Variants in CXADR observed in about 807,000 individuals in gnomAD.
CXADR encodes the protein coxsackievirus and adenovirus receptor.
A neutral mutation model predicts 40.3 loss-of-function variants in CXADR; 20 were observed. The ratio of observed to expected loss-of-function variants is 0.50; its 90% CI spans 0.35 to 0.72. CXADR has a LOEUF of 0.72. CXADR is among the 30% of genes least tolerant of loss of function. The pLI, the probability that CXADR is intolerant of heterozygous loss-of-function variation, is 0.01. For missense variants in CXADR, 332 were observed against 449.1 expected, an observed-to-expected ratio of 0.74 and a Z score of 2.36; for synonymous variants, 150 against 161.3, an observed-to-expected ratio of 0.93 and a Z score of 0.53.
the CXADR span, chr21:17,633,319 C>T: frequency 6.6e-6 from 1 of 152,338 alleles, no homozygotes; most frequent in Non-Finnish European, 1.5e-5. Flanking sequence ...AAGCTCAGCA[C>T]TTTGAGAGGC....
chr21:17,529,463 G>T (rs1041144634), intron 1 of CXADR, among the ~76,000 whole-genome samples: 3 of 152,100 alleles, frequency 2.0e-5, no homozygotes, highest in African/African-American at 7.2e-5. Context: ...TGGGATTACA[G>T]GCATGTGCCA....
At chr21:17,633,473 C>T in the CXADR span, among the ~76,000 whole-genome samples, 2 of 152,286 alleles carry the variant, frequency 1.3e-5, no homozygotes, top group South Asian at 2.1e-4. Flanking sequence ...ACAGGAGAGT[C>T]ACTTGAGCTG....
At chr21:17,582,179 T>C (rs983628265) in intron 7 of CXADR, among the ~76,000 whole-genome samples, 11 of 152,184 alleles carry the variant, frequency 7.2e-5, no homozygotes, top group Middle Eastern at 3.4e-3. Context: ...ACCCAGGTAA[T>C]TTTTGTATTT....
At chr21:17,614,258 A>C in the CXADR span, 2 of 152,184 alleles carry the variant, frequency 1.3e-5, no homozygotes, top group Non-Finnish European at 2.9e-5. Flanking sequence ...AAAGGCCTTT[A>C]ATTCTGCAGT....
downstream of CXADR, among the ~76,000 whole-genome samples, chr21:17,572,207 C>A (rs372182470): frequency 9.3e-4 from 131 of 141,186 alleles, no homozygotes; most frequent in Admixed American, 1.3e-3. Context: ...ACTAAAAATA[C>A]AAAAAAAAAA....
the CXADR span, among the ~76,000 whole-genome samples, chr21:17,603,523 C>T: frequency 6.6e-6 from 1 of 152,200 alleles, no homozygotes; most frequent in East Asian, 1.9e-4. Flanking sequence ...TTCACCTCCA[C>T]CTTCATTGCT....
rs73894831 is a variant in CXADR, at chr21:17,521,280, G to A, written c.43+8108G>A. 1.8e-3 allele frequency among the ~76,000 whole-genome samples: 279 copies of A among 152,176 alleles called. 1 individual carries two copies. The highest frequency in any genetic ancestry group is 6.3e-3 in the African/African-American group (262 of 41,506). On this transcript the variant is annotated intron_variant, in intron 1 of 6. Coordinates refer to ENST00000284878, the MANE Select transcript of CXADR (RefSeq NM_001338.5). ...TGAGAACATTCAGAAAGTTCCCATG[G>A]GGAAGACAGCTCTGCAGAGGTGAGA...
In CXADR at chr21:17,551,695, G is replaced by GT. The variant is rs1055454939; in HGVS notation, c.211-46dup. 778 of 1,513,668 alleles carry GT rather than the reference G, an allele frequency of 5.1e-4. 1 individual carries two copies. Among genetic ancestry groups the GT allele is most frequent in the Non-Finnish European group, 6.6e-4 (732 of 1,113,628 alleles). The allele number at this position is 1,513,668 out of a possible 1,614,324, so 93.8% of individuals were successfully genotyped here. On this transcript the variant is annotated intron_variant, in intron 2 of 6. Transcript: ENST00000284878. ...GTATCCAGGGCTCCTTTAAGAGACA[G>GT]TTTTTTTTGTGTGTGTTTGTTTTTC...
downstream of CXADR, among the ~76,000 whole-genome samples, chr21:17,597,240 G>T (rs2061515565): frequency 6.6e-6 from 1 of 151,960 alleles, no homozygotes; most frequent in African/African-American, 2.4e-5. Context: ...TAATTTGCTT[G>T]TAAAAAATTA....
intron 1 of CXADR, 89 bp downstream of exon 1, chr21:17,513,261 A>G (rs1269875424): frequency 1.7e-6 from 2 of 1,181,286 alleles, no homozygotes; most frequent in Non-Finnish European, 2.2e-6. Flanking sequence ...GGCGTGGGGG[A>G]GGGGGCGGGC....
chr21:17,595,766 T>C (rs990706478), downstream of CXADR, among the ~76,000 whole-genome samples: 1 of 152,050 alleles, frequency 6.6e-6, no homozygotes, highest in Non-Finnish European at 1.5e-5. Flanking sequence ...GAAGGCTTTA[T>C]AGGCATATTT....
chr21:17,630,448 C>T, the CXADR span, among the ~76,000 whole-genome samples: 4 of 152,050 alleles, frequency 2.6e-5, no homozygotes, highest in African/African-American at 9.7e-5. Flanking sequence ...ATTCATAATG[C>T]CATTTTTACA....
chr21:17,549,149 T>G (rs1046744960), intron 2 of CXADR, among the ~76,000 whole-genome samples: 5 of 152,246 alleles, frequency 3.3e-5, no homozygotes, highest in Admixed American at 2.6e-4. Context: ...TTGTATATAC[T>G]TAAGCCTTAA....
chr21:17,633,796 C>T, the CXADR span, among the ~76,000 whole-genome samples: 1 of 152,166 alleles, frequency 6.6e-6, no homozygotes, highest in African/African-American at 2.4e-5. Flanking sequence ...TCTATTCTTC[C>T]TCTAAAATTA....
At chr21:17,582,926 C>G (rs1786204540) in intron 7 of CXADR, among the ~76,000 whole-genome samples, 1 of 152,202 alleles carries the variant, frequency 6.6e-6, no homozygotes, top group Admixed American at 6.5e-5. Flanking sequence ...AAGACATCTT[C>G]TCACATAGTC....
chr21:17,587,090 A>G (rs373416403), intron 7 of CXADR, among the ~76,000 whole-genome samples: 1 of 152,238 alleles, frequency 6.6e-6, no homozygotes, highest in African/African-American at 2.4e-5. Context: ...ATGGCTGCAT[A>G]GTATCCCATG....
intron 7 of CXADR, among the ~76,000 whole-genome samples, chr21:17,589,975 G>A (rs368301138): frequency 3.3e-5 from 5 of 151,898 alleles, no homozygotes; most frequent in East Asian, 1.9e-4. Context: ...ATATTTATTG[G>A]TCATAACACT....
At chr21:17,573,111 C>T (rs2061291899), downstream of CXADR, among the ~76,000 whole-genome samples, 1 of 152,184 alleles carries the variant, frequency 6.6e-6, no homozygotes, top group African/African-American at 2.4e-5. Context: ...CTGCTCCAGA[C>T]CCCTGTCTTT....
downstream of CXADR, among the ~76,000 whole-genome samples, chr21:17,595,983 T>C (rs1420201594): frequency 6.6e-6 from 1 of 152,030 alleles, no homozygotes; most frequent in Non-Finnish European, 1.5e-5. Context: ...GAAGAACTAG[T>C]GTTTCATATG....
Sources: gnomAD v4.1 joint callset for allele counts (sites outside exome capture counted in the v4.1 genomes callset) on GRCh38, gnomAD v4.1.1 for gene constraint, MANE v1.5 for transcripts, NCBI Gene and HGNC (gene_info 2026-07-23, HGNC 2026-07-21) for gene names.